VPS26B: variants seen among roughly 807,000 people sequenced by gnomAD.
VPS26B encodes VPS26 retromer complex component B.
VPS26B carries 10 observed loss-of-function variants against 33.3 expected under a neutral mutation model. The ratio of observed to expected loss-of-function variants is 0.30; its 90% confidence interval spans 0.19 to 0.51. VPS26B has a LOEUF of 0.51. Among genes scored for constraint, VPS26B ranks in the 20% least tolerant of loss-of-function variants. The pLI is 0.98. For missense variants in VPS26B, 317 were observed against 452.7 expected (o/e 0.70, Z 2.72); for synonymous variants, 190 against 176.9 (o/e 1.07, Z -0.59).
chr11:134,242,129 C>T (rs565127426), intron 3 of VPS26B, among the ~76,000 whole-genome samples: 7 of 152,314 alleles, frequency 4.6e-5, no homozygotes, highest in South Asian at 2.1e-4. Flanking sequence ...GAAAACATCT[C>T]GAATCCATGG....
At chr11:134,238,865 G>A (rs551552425) in intron 2 of VPS26B, among the ~76,000 whole-genome samples, 1 of 152,284 alleles carries the variant, frequency 6.6e-6, no homozygotes, top group Non-Finnish European at 1.5e-5. Context: ...AAAGTGCTGG[G>A]ATTACAGGCG....
chr11:134,243,182 G>C lies in VPS26B; in HGVS notation c.609G>C (p.Lys203Asn). 1 of 1,613,984 alleles carries C rather than the reference G, an allele frequency of 6.2e-7. No homozygotes were observed. The highest frequency in any genetic ancestry group is 1.7e-5 in the Admixed American group (1 of 60,018). Residue 203 changes from lysine to asparagine, a missense_variant, in exon 4 of 6, where the codon AAG becomes AAC. Lys to Asn is a moderately conservative substitution (Grantham distance 94). Coordinates refer to ENST00000281187, the MANE Select transcript of VPS26B (RefSeq NM_052875.5). ...IYFLLVRIKI[K>N]HMEIDIIKRE... The stretch of plus-strand genomic sequence containing the variant: ...TCCTGCTGGTGAGAATCAAAATCAA[G>C]CACATGGAGATAGACATCATCAAGC...
intron 1 of VPS26B, among the ~76,000 whole-genome samples, chr11:134,234,544 A>G (rs903073542): frequency 5.3e-5 from 8 of 152,224 alleles, no homozygotes; most frequent in African/African-American, 1.7e-4. Context: ...TTAAATAGCT[A>G]TATCCTTTCG....
chr11:134,232,492 CAT>C (rs1330255061), intron 1 of VPS26B, among the ~76,000 whole-genome samples: 18 of 152,224 alleles, frequency 1.2e-4, no homozygotes, highest in African/African-American at 1.9e-4. Flanking sequence ...CTGATATTAA[CAT>C]GTGTGCAGGA....
intron 1 of VPS26B, among the ~76,000 whole-genome samples, chr11:134,232,395 T>C (rs1480697902): frequency 6.6e-6 from 1 of 152,224 alleles, no homozygotes; most frequent in East Asian, 1.9e-4. Context: ...GTATTGCAGA[T>C]GGCTTATAAA....
chr11:134,241,122 C>T (rs914513406), intron 3 of VPS26B, among the ~76,000 whole-genome samples: 1 of 151,970 alleles, frequency 6.6e-6, no homozygotes, highest in African/African-American at 2.4e-5. Flanking sequence ...TATGATATTC[C>T]TGAGAATGTT....
intron 1 of VPS26B, among the ~76,000 whole-genome samples, chr11:134,226,088 A>G (rs540644213): frequency 1.7e-4 from 26 of 152,352 alleles, no homozygotes; most frequent in African/African-American, 6.3e-4. Context: ...CAATGCTTTA[A>G]ACATGATTAT....
chr11:134,244,993 G>A lies in VPS26B; in HGVS notation c.777G>A (p.Met259Ile), dbSNP rs1244134308. Residue 259 changes from methionine (M) to isoleucine (I), a missense_variant, in exon 5 of 6, where the codon ATG (methionine) becomes ATA (isoleucine). Met to Ile is a conservative substitution (Grantham distance 10, BLOSUM62 1). Coordinates refer to ENST00000281187, the MANE Select transcript of VPS26B (RefSeq NM_052875.5). The surrounding 1 kb of genome is among the most constrained non-coding windows in gnomAD (Gnocchi z 4.0). ...FLAGYELTPT[M>I]RDINKKFSVR... is the part of the protein sequence containing the mutation. ...CCGGGTATGAGCTCACGCCCACCATGCGGGACATCAACAAGAAGTTCTCTG... is the reference window on the plus strand; with the variant it reads ...CCGGGTATGAGCTCACGCCCACCATACGGGACATCAACAAGAAGTTCTCTG... 1 of 1,614,116 alleles carries A rather than the reference G, an allele frequency of 6.2e-7. No individual in the cohort carries two copies. Among genetic ancestry groups the A allele is most frequent in the African/African-American group, 1.3e-5 (1 of 75,036 alleles).
chr11:134,243,317 C>T (rs757428384), intron 4 of VPS26B, 23 bp downstream of exon 4: 18 of 1,612,660 alleles, frequency 1.1e-5, no homozygotes, highest in South Asian at 6.6e-5. Flanking sequence ...GCCCAGGCCT[C>T]GGCTACCACA....
At chr11:134,234,475 C>T (rs1245380507) in intron 1 of VPS26B, among the ~76,000 whole-genome samples, 6 of 152,112 alleles carry the variant, frequency 3.9e-5, no homozygotes, top group Admixed American at 3.3e-4. Flanking sequence ...GTCTTTTAAA[C>T]GGGGTGATAA....
chr11:134,241,443 G>A (rs1301435627), intron 3 of VPS26B, among the ~76,000 whole-genome samples: 2 of 152,190 alleles, frequency 1.3e-5, no homozygotes, highest in African/African-American at 2.4e-5. Flanking sequence ...GCTCTGCCTC[G>A]CCTAAGCCCA....
intron 2 of VPS26B, 134 bp from the exon 3 acceptor site, chr11:134,239,857 T>G: frequency 1.0e-6 from 1 of 953,358 alleles, no homozygotes; most frequent in South Asian, 1.4e-5. Context: ...CTGTAACTTC[T>G]TAAAAGGATA....
rs1402315691 is a variant in VPS26B at position 134,245,510 on chromosome 11, TCA to T, written c.934_935del (p.Gln312AlafsTer3). ...KSMSHQAAIA[S>X]QRFEGTTSLG... ...CATGTCCCACCAGGCGGCCATCGCC[TCA>T]CAGCGCTTTGAGGGCACCACCTCCC... On this transcript the variant is annotated frameshift_variant, in exon 6 of 6. Coordinates refer to ENST00000281187, the MANE Select transcript of VPS26B (RefSeq NM_052875.5). LOFTEE classifies it high-confidence loss of function. The surrounding 1 kb of genome is among the most constrained non-coding windows in gnomAD (Gnocchi z 4.7). 6.2e-7 allele frequency: 1 copy of T among 1,613,820 alleles called. No individual in the cohort carries two copies. Among genetic ancestry groups the T allele is most frequent in the Non-Finnish European group, 8.5e-7 (1 of 1,179,988 alleles).
intron 2 of VPS26B, chr11:134,236,385 A>G (rs1274879032): frequency 6.6e-6 from 1 of 152,144 alleles, no homozygotes; most frequent in African/African-American, 2.4e-5. Context: ...AAAGGTGTTG[A>G]AACCAGTATA....
In VPS26B at chr11:134,225,197, C is replaced by A; in HGVS notation, c.75C>A (p.Ala25=). 21 of 1,614,148 alleles carry A rather than the reference C, an allele frequency of 1.3e-5. No homozygotes were observed. Among genetic ancestry groups the A allele is most frequent in the Middle Eastern group, 1.6e-4 (1 of 6,062 alleles). The change falls in exon 1 of 6, where the codon GCC becomes GCA. Residue 25 remains alanine (A), a synonymous_variant. Coordinates refer to ENST00000281187, the MANE Select transcript of VPS26B (RefSeq NM_052875.5). ...ACGATGCAGAGAGTAGGAAGCGGGC[C>A]GAGCACAAGACGGAGGACGGGAAGA... ...LLNDAESRKR[A]EHKTEDGKKE... is the part of the protein sequence containing the mutation.
chr11:134,228,831 CTA>C (rs1402761501), intron 1 of VPS26B, among the ~76,000 whole-genome samples: 1 of 152,074 alleles, frequency 6.6e-6, no homozygotes, highest in Non-Finnish European at 1.5e-5. Flanking sequence ...CATTCTTTGA[CTA>C]TGTGTGAGAT....
chr11:134,238,802 A>G (rs985719886), intron 2 of VPS26B, among the ~76,000 whole-genome samples: 2 of 151,736 alleles, frequency 1.3e-5, no homozygotes, highest in Non-Finnish European at 2.9e-5. Flanking sequence ...TCACTGTGTT[A>G]GCCAGGATGG....
At position 134,243,254 on chromosome 11, in the gene VPS26B, G is replaced by A. The variant is rs377264877; in HGVS notation, c.681G>A (p.Thr227=). The change falls in exon 4 of 6, where the codon ACG becomes ACA. Residue 227 remains threonine (T), a synonymous_variant. Coordinates refer to ENST00000281187, the MANE Select transcript of VPS26B (RefSeq NM_052875.5). Reference sequence around the variant, plus strand: ...CCAACGTGTACCATGAGAATGACACGATAGCCAAGTACGAGATCATGGACG... The same window carrying A: ...CCAACGTGTACCATGAGAATGACACAATAGCCAAGTACGAGATCATGGACG... ...TGPNVYHEND[T]IAKYEIMDGA... is the part of the protein sequence containing the mutation. 5.2e-5 allele frequency: 84 copies of A among 1,613,982 alleles called. No homozygotes were observed. In the African/African-American group the frequency reaches 5.2e-4, roughly 10 times the overall value.
At chr11:134,225,563 G>A (rs1255012044) in intron 1 of VPS26B, 5 of 573,182 alleles carry the variant, frequency 8.7e-6, no homozygotes, top group Non-Finnish European at 1.6e-5. Context: ...AGATGGGGAC[G>A]GCGAGGGCGG....
Sources: allele counts gnomAD v4.1 joint callset (sites outside exome capture counted in the v4.1 genomes callset), GRCh38; gene constraint gnomAD v4.1.1; non-coding constraint Gnocchi (gnomAD v3.1); transcripts MANE v1.5; gene names NCBI Gene and HGNC (gene_info 2026-07-23, HGNC 2026-07-21).